Variants in UEVLD observed in about 807,000 individuals in gnomAD.
UEVLD encodes the protein ubiquitin-conjugating enzyme E2 variant 3.
UEVLD carries 47 observed loss-of-function variants against 58.6 expected under a neutral mutation model. That is an observed-to-expected ratio of 0.80 (90% confidence interval 0.63 to 1.02). The LOEUF is 1.02. Ranked by LOEUF, UEVLD falls within the 50% of genes least tolerant of loss-of-function variation. The probability of loss-of-function intolerance (pLI) is 0.00; values close to 1 mark genes in which losing one functional copy is unlikely to be tolerated. For synonymous variants in UEVLD, 197 were observed against 195.3 expected (o/e 1.01, Z -0.07); for missense variants, 510 against 550.6 (o/e 0.93, Z 0.74).
intron 1 of UEVLD, 135 bp downstream of exon 1, chr11:18,588,478 G>T: frequency 9.4e-7 from 1 of 1,062,064 alleles, no homozygotes; most frequent in Non-Finnish European, 1.3e-6. Flanking sequence ...CCCCATAGCC[G>T]GTTTCAGACC....
chr11:18,556,402 C>G (rs1316936108), intron 7 of UEVLD, among the ~76,000 whole-genome samples: 1 of 152,188 alleles, frequency 6.6e-6, no homozygotes, highest in Non-Finnish European at 1.5e-5. Flanking sequence ...TACAGGCAGC[C>G]GAAGGCTTAC....
intron 9 of UEVLD, among the ~76,000 whole-genome samples, chr11:18,537,336 T>C (rs1590307977): frequency 1.4e-5 from 2 of 147,166 alleles, no homozygotes; most frequent in South Asian, 4.2e-4. Context: ...TTTTTTTTTT[T>C]TTTCTTTTTC....
At chr11:18,534,587 T>C (rs1187094516) in intron 10 of UEVLD, 134 bp from the exon 11 acceptor site, 9 of 886,358 alleles carry the variant, frequency 1.0e-5, no homozygotes, top group South Asian at 8.0e-5. Context: ...GGGAAGCCTA[T>C]AGATAATCTA....
At chr11:18,538,948 T>G (rs1230451005) in intron 9 of UEVLD, 1 of 151,478 alleles carries the variant, frequency 6.6e-6, no homozygotes, top group Non-Finnish European at 1.5e-5. Flanking sequence ...GAAAATCGCT[T>G]GAACCCAGGA....
At chr11:18,582,355 C>T (rs551586891) in intron 1 of UEVLD, among the ~76,000 whole-genome samples, 5 of 147,498 alleles carry the variant, frequency 3.4e-5, no homozygotes, top group Admixed American at 2.8e-4. Context: ...CCCCCACTCC[C>T]GGCCCGAGCC....
intron 7 of UEVLD, among the ~76,000 whole-genome samples, chr11:18,557,301 G>A (rs980520734): frequency 4.6e-5 from 7 of 151,598 alleles, no homozygotes; most frequent in South Asian, 4.2e-4. Flanking sequence ...ACAGGTGCCC[G>A]CCACCATGCC....
intron 10 of UEVLD, among the ~76,000 whole-genome samples, chr11:18,534,863 C>A (rs1850722742): frequency 6.6e-6 from 1 of 152,220 alleles, no homozygotes. Flanking sequence ...TTGGTAACGT[C>A]TGATCTAGAA....
Position 18,575,424 on chromosome 11 carries a change from A to G in UEVLD, c.128-12T>C, listed in dbSNP as rs1386391813. Reference sequence around the variant, plus strand: ...ACTATCTTTAAAAACTAGAAGAAAAAAAAAAAAGCCCCAAAATGTGCAATC... The same window carrying G: ...ACTATCTTTAAAAACTAGAAGAAAAGAAAAAAAGCCCCAAAATGTGCAATC... On this transcript the variant is annotated splice_polypyrimidine_tract_variant and intron_variant, in intron 2 of 11. Coordinates refer to ENST00000396197, the MANE Select transcript of UEVLD (RefSeq NM_001040697.4). 2 of 1,586,728 alleles carry G rather than the reference A, an allele frequency of 1.3e-6. No individual in the cohort carries two copies. Among genetic ancestry groups the G allele is most frequent in the Non-Finnish European group, 1.7e-6 (2 of 1,173,496 alleles).
intron 1 of UEVLD, among the ~76,000 whole-genome samples, chr11:18,580,205 T>C (rs991410948): frequency 2.0e-5 from 3 of 151,986 alleles, no homozygotes; most frequent in Non-Finnish European, 4.4e-5. Flanking sequence ...ATAACAAGTG[T>C]TGGAGAGGAT....
intron 2 of UEVLD, among the ~76,000 whole-genome samples, chr11:18,577,828 T>A (rs540046054): frequency 6.4e-5 from 9 of 141,374 alleles, no homozygotes; most frequent in Non-Finnish European, 1.2e-4. Flanking sequence ...GCTGAGATGG[T>A]GCCACTGCAC....
chr11:18,537,066 T>TTG (rs949096935), intron 9 of UEVLD, among the ~76,000 whole-genome samples: 19 of 151,198 alleles, frequency 1.3e-4, no homozygotes, highest in African/African-American at 4.1e-4. Flanking sequence ...CTGCTAATTT[T>TTG]TGTGTGTGTG....
chr11:18,562,142 C>G (rs1377615761), intron 6 of UEVLD, among the ~76,000 whole-genome samples: 1 of 152,106 alleles, frequency 6.6e-6, no homozygotes, highest in Non-Finnish European at 1.5e-5. Flanking sequence ...TAGAGTGCAA[C>G]TGCACAATCG....
At chr11:18,565,085 T>A in intron 5 of UEVLD, 75 bp from the exon 6 acceptor site, 1 of 1,091,894 alleles carries the variant, frequency 9.2e-7, no homozygotes, top group Non-Finnish European at 1.4e-6. Context: ...AAAAAATATA[T>A]AGCAGGCTTC....
At chr11:18,539,754 G>T (rs946636488) in intron 9 of UEVLD, among the ~76,000 whole-genome samples, 1 of 152,196 alleles carries the variant, frequency 6.6e-6, no homozygotes, top group Non-Finnish European at 1.5e-5. Flanking sequence ...AAGGAGGCAT[G>T]AGAGTGCATA....
At chr11:18,582,268 T>G (rs1853277157) in intron 1 of UEVLD, among the ~76,000 whole-genome samples, 1 of 152,206 alleles carries the variant, frequency 6.6e-6, no homozygotes, top group South Asian at 2.1e-4. Flanking sequence ...AAAGCACTCT[T>G]CTCGGGACTT....
intron 10 of UEVLD, among the ~76,000 whole-genome samples, chr11:18,535,719 T>A (rs1850763911): frequency 1.1e-5 from 1 of 95,106 alleles, no homozygotes; most frequent in Non-Finnish European, 2.2e-5. Context: ...TGTGTTACAC[T>A]TTTTTTTTTG....
chr11:18,572,393 G>A (rs1356213720), intron 3 of UEVLD, among the ~76,000 whole-genome samples: 2 of 152,204 alleles, frequency 1.3e-5, no homozygotes, highest in Non-Finnish European at 2.9e-5. Flanking sequence ...GAAGTTCCAT[G>A]CAGATGGGAG....
chr11:18,531,158 GAA>G lies in UEVLD; in HGVS notation c.*1160_*1161del, dbSNP rs994708796. On this transcript the variant is annotated 3_prime_UTR_variant, in exon 12 of 12. Coordinates refer to ENST00000396197, the MANE Select transcript of UEVLD (RefSeq NM_001040697.4). The stretch of plus-strand genomic sequence containing the variant: ...AGCCTTTTCCCCCTTTTAGTGCCTA[GAA>G]AAAGTAGAGGTTGTATGGATAAGTG... 56 of 152,234 alleles carry G rather than the reference GAA, an allele frequency of 3.7e-4. No individual in the cohort carries two copies. The highest frequency in any genetic ancestry group is 1.3e-3 in the African/African-American group (55 of 41,534). The allele number at this position is 152,234 out of a possible 1,614,324, so 9.4% of individuals were successfully genotyped here.
intron 7 of UEVLD, among the ~76,000 whole-genome samples, chr11:18,554,650 G>A (rs1401883718): frequency 6.6e-6 from 1 of 151,946 alleles, no homozygotes; most frequent in Non-Finnish European, 1.5e-5. Flanking sequence ...CACCCGCCTC[G>A]GCCTCTCACA....
Sources: gnomAD v4.1 joint callset for allele counts (sites outside exome capture counted in the v4.1 genomes callset) on GRCh38, gnomAD v4.1.1 for gene constraint, MANE v1.5 for transcripts, NCBI Gene and HGNC (gene_info 2026-07-23, HGNC 2026-07-21) for gene names.